The following KLHL2 variants were observed in gnomAD, a reference collection of about 807,000 sequenced individuals.
KLHL2 encodes kelch-like protein 2.
In KLHL2, 15 loss-of-function variants were observed where a neutral mutation model predicts 75.8. The ratio of observed to expected loss-of-function variants is 0.20; its 90% CI spans 0.13 to 0.30. The LOEUF (loss-of-function observed/expected upper bound fraction) is 0.30, where lower values mean the gene tolerates loss of function less well. Among genes scored for constraint, KLHL2 ranks in the 10% least tolerant of loss-of-function variants. The probability of loss-of-function intolerance (pLI) is 1.00; values close to 1 mark genes in which losing one functional copy is unlikely to be tolerated. For missense variants in KLHL2, 381 were observed against 741.0 expected (o/e 0.51, Z 5.64); for synonymous variants, 214 against 251.9 (o/e 0.85, Z 1.42).
chr4:165,216,279 G>A (rs1044346950), intron 1 of KLHL2, among the ~76,000 whole-genome samples: 1 of 152,204 alleles, frequency 6.6e-6, no homozygotes, highest in African/African-American at 2.4e-5. Flanking sequence ...GCAGAAGTCA[G>A]TCACTGAAGG....
chr4:165,243,301 A>G (rs927514838), intron 4 of KLHL2, among the ~76,000 whole-genome samples: 9 of 152,238 alleles, frequency 5.9e-5, no homozygotes, highest in African/African-American at 2.2e-4. Context: ...AAAGTAGGTA[A>G]GAGTTTTTCA....
At chr4:165,316,844 G>T (rs1246401940) in intron 13 of KLHL2, among the ~76,000 whole-genome samples, 9 of 152,036 alleles carry the variant, frequency 5.9e-5, no homozygotes, top group Admixed American at 5.2e-4. Context: ...AGGTTGGTTG[G>T]CCAGGGTGGG....
chr4:165,300,731 CTTTA>C (rs951241818), intron 8 of KLHL2, among the ~76,000 whole-genome samples: 11 of 152,218 alleles, frequency 7.2e-5, no homozygotes, highest in African/African-American at 1.9e-4. Context: ...AATATAAAGA[CTTTA>C]TTTATGTATT....
chr4:165,300,232 G>A (rs552580231), intron 8 of KLHL2, among the ~76,000 whole-genome samples: 1 of 151,616 alleles, frequency 6.6e-6, no homozygotes, highest in Admixed American at 6.6e-5. Context: ...AGGTTGCAGT[G>A]AGCTGAGTGG....
intron 3 of KLHL2, among the ~76,000 whole-genome samples, chr4:165,232,143 A>G (rs1355518360): frequency 6.6e-6 from 1 of 152,102 alleles, no homozygotes; most frequent in Non-Finnish European, 1.5e-5. Context: ...CTGTTTAGCC[A>G]ACAATTTGGC....
At chr4:165,272,561 T>C (rs1650150911) in intron 5 of KLHL2, among the ~76,000 whole-genome samples, 1 of 152,200 alleles carries the variant, frequency 6.6e-6, no homozygotes, top group African/African-American at 2.4e-5. Context: ...TCTATAGTGA[T>C]TGATAAATGT....
intron 4 of KLHL2, among the ~76,000 whole-genome samples, chr4:165,243,924 C>T (rs1359829519): frequency 6.6e-6 from 1 of 152,196 alleles, no homozygotes; most frequent in Non-Finnish European, 1.5e-5. Context: ...AATATTTTAA[C>T]CTCAAATATG....
rs554720290 is a variant in KLHL2 at position 165,311,150 on chromosome 4, CTG to C, written c.1238-313_1238-312del. On this transcript the variant is annotated intron_variant, in intron 10 of 14. Coordinates refer to ENST00000226725, the MANE Select transcript of KLHL2 (RefSeq NM_007246.4). ...GGGATTACAACATGTGAGGTTTTAA[CTG>C]GTATTTAAAGATAAGTTTAAAATTT... Among the ~76,000 whole-genome samples, 594 of 152,248 alleles carry C rather than the reference CTG, an allele frequency of 3.9e-3. 5 individuals carry two copies. Among genetic ancestry groups the C allele is most frequent in the African/African-American group, 0.013 (553 of 41,546 alleles).
At chr4:165,281,481 A>G (rs1743679304) in intron 5 of KLHL2, among the ~76,000 whole-genome samples, 1 of 151,670 alleles carries the variant, frequency 6.6e-6, no homozygotes, top group South Asian at 2.1e-4. Flanking sequence ...TCGCCTGGCT[A>G]ATTTTTTGTA....
intron 4 of KLHL2, among the ~76,000 whole-genome samples, chr4:165,255,679 C>T (rs1449738471): frequency 1.3e-5 from 2 of 152,130 alleles, no homozygotes; most frequent in Non-Finnish European, 2.9e-5. Context: ...AACCATGACT[C>T]TCCACCCAGA....
chr4:165,315,777 A>T (rs1560834259), intron 13 of KLHL2, among the ~76,000 whole-genome samples: 3 of 152,296 alleles, frequency 2.0e-5, no homozygotes, highest in East Asian at 3.9e-4. Context: ...GGAAAGAAAG[A>T]ACTAAGCTGG....
chr4:165,250,948 A>C (rs1579042636), intron 4 of KLHL2, among the ~76,000 whole-genome samples: 1 of 152,338 alleles, frequency 6.6e-6, no homozygotes, highest in East Asian at 1.9e-4. Context: ...TTTGATTTAG[A>C]ATCACCTGTT....
chr4:165,300,957 C>T (rs776928615), intron 8 of KLHL2, among the ~76,000 whole-genome samples: 2 of 152,010 alleles, frequency 1.3e-5, no homozygotes, highest in Non-Finnish European at 1.5e-5. Context: ...TATTGTTTTT[C>T]TGTTTTGCCT....
chr4:165,294,331 G>A (rs1744747951), intron 5 of KLHL2, 28 bp from the exon 6 acceptor site: 1 of 1,273,598 alleles, frequency 7.9e-7, no homozygotes, highest in Non-Finnish European at 1.1e-6. Flanking sequence ...GTTGATGTTA[G>A]TGGATTTTCT....
intron 1 of KLHL2, among the ~76,000 whole-genome samples, chr4:165,213,707 T>G (rs970847011): frequency 1.3e-5 from 2 of 152,226 alleles, no homozygotes; most frequent in Non-Finnish European, 2.9e-5. Context: ...CTTACCCTTC[T>G]TAGTACATGG....
chr4:165,240,830 T>G (rs1347987569), intron 4 of KLHL2, among the ~76,000 whole-genome samples: 1 of 152,160 alleles, frequency 6.6e-6, no homozygotes, highest in Non-Finnish European at 1.5e-5. Context: ...ATTTAGGCCT[T>G]AGAGACTAAA....
chr4:165,264,739 T>TATATATATATATATATAC, intron 5 of KLHL2, among the ~76,000 whole-genome samples: 1 of 60,574 alleles, frequency 1.7e-5, no homozygotes. Context: ...TATATATATA[T>TATATATATATATATATAC]GTATATATAT....
rs184633569 is a variant in KLHL2, at chr4:165,288,347, A to G, written c.545-6012A>G. Among the ~76,000 whole-genome samples the G allele has an allele frequency of 1.2e-4, 18 of 149,824 alleles. No individual in the cohort carries two copies. The East Asian group carries it at 3.1e-3, about 26-fold the overall frequency. ...AAAAATATTTGAACGGTATACATTGAAAGAGTCATCCTTTCACCCTTGTTC... is the reference window on the plus strand; with the variant it reads ...AAAAATATTTGAACGGTATACATTGGAAGAGTCATCCTTTCACCCTTGTTC... On this transcript the variant is annotated intron_variant, in intron 5 of 14. Coordinates refer to ENST00000226725, the MANE Select transcript of KLHL2 (RefSeq NM_007246.4).
At chr4:165,252,094 T>C (rs543842662) in intron 4 of KLHL2, among the ~76,000 whole-genome samples, 7 of 152,170 alleles carry the variant, frequency 4.6e-5, no homozygotes, top group Non-Finnish European at 1.0e-4. Flanking sequence ...GCATTTATCT[T>C]GATGAACAAA....
Sources: allele counts gnomAD v4.1 joint callset (sites outside exome capture counted in the v4.1 genomes callset), GRCh38; gene constraint gnomAD v4.1.1; transcripts MANE v1.5; gene names NCBI Gene and HGNC (gene_info 2026-07-23, HGNC 2026-07-21).